Variants in KCNAB1 observed in about 807,000 individuals in gnomAD.
KCNAB1 encodes the protein voltage-gated potassium channel subunit beta-1.
A neutral mutation model predicts 64.6 loss-of-function variants in KCNAB1; 35 were observed. The observed-to-expected ratio is 0.54, with a 90% CI of 0.41 to 0.72. KCNAB1 has a LOEUF of 0.72. Ranked by LOEUF, KCNAB1 falls within the 30% of genes least tolerant of loss-of-function variation. KCNAB1 has a pLI of 0.00. For synonymous variants in KCNAB1, 177 were observed against 183.8 expected (o/e 0.96, Z 0.30); for missense variants, 401 against 512.9 (o/e 0.78, Z 2.11).
At chr3:156,357,159 G>GCGCACACACACACACA (rs545909634) in intron 1 of KCNAB1, among the ~76,000 whole-genome samples, 1,940 of 147,384 alleles carry the variant, frequency 0.013, 58 homozygotes, top group African/African-American at 0.044. Context: ...ACATGTGCGC[G>GCGCACACACACACACA]CACACACACA....
intron 1 of KCNAB1, among the ~76,000 whole-genome samples, chr3:156,272,696 C>T (rs868106995): frequency 2.0e-5 from 3 of 151,990 alleles, no homozygotes; most frequent in Admixed American, 1.3e-4. Context: ...CTTGGTGCTC[C>T]TCCCCACTGT....
At chr3:156,218,802 A>AT (rs59447466) in intron 1 of KCNAB1, among the ~76,000 whole-genome samples, 2 of 19,396 alleles carry the variant, frequency 1.0e-4, no homozygotes, top group East Asian at 0.077. Flanking sequence ...AAAAAAAAAA[A>AT]ATAATAATAA....
At chr3:156,148,191 G>C (rs1275174322) in intron 1 of KCNAB1, among the ~76,000 whole-genome samples, 3 of 152,012 alleles carry the variant, frequency 2.0e-5, no homozygotes. Flanking sequence ...ACTTGCCTAG[G>C]TAACTCCAAC....
chr3:156,327,292 C>A (rs1723027012), intron 1 of KCNAB1, among the ~76,000 whole-genome samples: 1 of 152,122 alleles, frequency 6.6e-6, no homozygotes, highest in Non-Finnish European at 1.5e-5. Flanking sequence ...TGAGGCCATA[C>A]AATCCAAATG....
At chr3:156,453,994 G>A (rs765050276) in intron 3 of KCNAB1, among the ~76,000 whole-genome samples, 2 of 152,162 alleles carry the variant, frequency 1.3e-5, no homozygotes, top group Non-Finnish European at 2.9e-5. Flanking sequence ...CATTCCTAAC[G>A]AGACAGTTGG....
chr3:156,511,307 G>T (rs1303968011), intron 8 of KCNAB1, among the ~76,000 whole-genome samples: 1 of 152,076 alleles, frequency 6.6e-6, no homozygotes, highest in Non-Finnish European at 1.5e-5. Context: ...GTTTCACCGT[G>T]TTAGCCAGGA....
chr3:156,246,584 C>A (rs574600169), intron 1 of KCNAB1, among the ~76,000 whole-genome samples: 1 of 120,236 alleles, frequency 8.3e-6, no homozygotes, highest in South Asian at 2.5e-4. Flanking sequence ...GCCTGGGCAA[C>A]AGAGCAAGAC....
intron 1 of KCNAB1, among the ~76,000 whole-genome samples, chr3:156,351,107 A>C (rs1724830199): frequency 6.6e-6 from 1 of 152,270 alleles, no homozygotes; most frequent in South Asian, 2.1e-4. Context: ...CTTGAATGCA[A>C]CTAGAAAGAT....
At chr3:156,126,753 ATG>A (rs1465413884) in intron 1 of KCNAB1, among the ~76,000 whole-genome samples, 1 of 152,218 alleles carries the variant, frequency 6.6e-6, no homozygotes, top group Non-Finnish European at 1.5e-5. Flanking sequence ...ATTATCAGCT[ATG>A]TGATTTAGTC....
At chr3:156,275,808 T>G (rs1259300915) in intron 1 of KCNAB1, among the ~76,000 whole-genome samples, 1 of 152,220 alleles carries the variant, frequency 6.6e-6, no homozygotes, top group South Asian at 2.1e-4. Context: ...CTATTTCTAC[T>G]GTATCTGTAG....
chr3:156,256,490 T>C (rs1718108574), intron 1 of KCNAB1, among the ~76,000 whole-genome samples: 1 of 152,104 alleles, frequency 6.6e-6, no homozygotes, highest in Non-Finnish European at 1.5e-5. Flanking sequence ...GAGGAGGTGG[T>C]TTCCTATTTC....
At position 156,523,807 on chromosome 3, in the gene KCNAB1, A is replaced by G. The variant is rs1409213980; in HGVS notation, c.961-20A>G. 1 of 1,603,972 alleles carries G rather than the reference A, an allele frequency of 6.2e-7. No individual in the cohort carries two copies. The highest frequency in any genetic ancestry group is 2.2e-5 in the East Asian group (1 of 44,672). ...GATCTTTACCAGACATTAACATTTCAATGTTATGCTTTTCCCCAGTGCTAC... is the reference window on the plus strand; with the variant it reads ...GATCTTTACCAGACATTAACATTTCGATGTTATGCTTTTCCCCAGTGCTAC... On this transcript the variant is annotated intron_variant, in intron 11 of 13. Coordinates refer to ENST00000490337, the MANE Select transcript of KCNAB1 (RefSeq NM_172160.3).
chr3:156,370,996 A>G (rs768712917), intron 1 of KCNAB1, among the ~76,000 whole-genome samples: 3 of 152,190 alleles, frequency 2.0e-5, no homozygotes, highest in Non-Finnish European at 4.4e-5. Flanking sequence ...CAAGGCCTCA[A>G]TTCCTTGGAT....
At chr3:156,225,275 A>G (rs1716078003) in intron 1 of KCNAB1, among the ~76,000 whole-genome samples, 1 of 152,218 alleles carries the variant, frequency 6.6e-6, no homozygotes, top group Admixed American at 6.5e-5. Flanking sequence ...ATACACAAGT[A>G]AATAAATGTG....
intron 1 of KCNAB1, among the ~76,000 whole-genome samples, chr3:156,340,551 C>A (rs1724033876): frequency 6.6e-6 from 1 of 152,188 alleles, no homozygotes; most frequent in African/African-American, 2.4e-5. Flanking sequence ...AGTTTGGGGA[C>A]CATCACCCAT....
At chr3:156,475,051 C>T (rs1714242840) in intron 8 of KCNAB1, among the ~76,000 whole-genome samples, 1 of 152,194 alleles carries the variant, frequency 6.6e-6, no homozygotes, top group African/African-American at 2.4e-5. Context: ...GTGGCTCCCG[C>T]TGGTTACAGT....
At chr3:156,223,286 C>T (rs932995373) in intron 1 of KCNAB1, among the ~76,000 whole-genome samples, 6 of 152,152 alleles carry the variant, frequency 3.9e-5, no homozygotes, top group Non-Finnish European at 8.8e-5. Flanking sequence ...ACAAAGCTTC[C>T]ACAGTGTGGA....
intron 1 of KCNAB1, chr3:156,143,569 G>GTTGGTTTTTTTT (rs1443482013): frequency 3.6e-6 from 1 of 281,598 alleles, no homozygotes; most frequent in African/African-American, 2.9e-5. Flanking sequence ...TTGCATTCTT[G>GTTGGTTTTTTTT]TTTTTTTTTT....
chr3:156,339,386 AAG>A (rs1723946028), intron 1 of KCNAB1, among the ~76,000 whole-genome samples: 2 of 152,092 alleles, frequency 1.3e-5, no homozygotes, highest in African/African-American at 4.8e-5. Context: ...ACCCAAATTT[AAG>A]TGCCTACTCT....
Sources: allele counts gnomAD v4.1 joint callset (sites outside exome capture counted in the v4.1 genomes callset), GRCh38; gene constraint gnomAD v4.1.1; transcripts MANE v1.5; gene names NCBI Gene and HGNC (gene_info 2026-07-23, HGNC 2026-07-21).